Variants in NIN observed in about 807,000 individuals in gnomAD.
The protein encoded by NIN is glycogen synthase kinase 3 beta-interacting protein.
A neutral mutation model predicts 257.6 loss-of-function variants in NIN; 137 were observed. The observed-to-expected ratio is 0.53, with a 90% CI of 0.46 to 0.61. The LOEUF (loss-of-function observed/expected upper bound fraction) is 0.61. Among genes scored for constraint, NIN ranks in the 20% least tolerant of loss-of-function variants. The pLI is 0.00. For synonymous variants in NIN, 918 were observed against 919.8 expected (o/e 1.00, Z 0.04); for missense variants, 2,439 against 2,501.2 (o/e 0.98, Z 0.53).
intron 3 of NIN, among the ~76,000 whole-genome samples, chr14:50,810,791 G>A (rs188117613): frequency 3.9e-5 from 6 of 152,024 alleles, no homozygotes; most frequent in African/African-American, 7.2e-5. Flanking sequence ...CTCCCGAGTA[G>A]CTGGGACTAC....
chr14:50,786,342 T>C (rs2043346486), intron 5 of NIN, among the ~76,000 whole-genome samples: 1 of 152,116 alleles, frequency 6.6e-6, no homozygotes, highest in Admixed American at 6.5e-5. Flanking sequence ...TCTTGTCTGT[T>C]TTAGTTTCTA....
chr14:50,776,868 C>A, intron 7 of NIN, 81 bp downstream of exon 7: 1 of 1,242,108 alleles, frequency 8.1e-7, no homozygotes, highest in Non-Finnish European at 1.1e-6. Context: ...CTGCAGAGAG[C>A]CACACTACAG....
intron 3 of NIN, among the ~76,000 whole-genome samples, chr14:50,817,818 C>T (rs1257334122): frequency 2.0e-5 from 3 of 152,088 alleles, no homozygotes; most frequent in African/African-American, 7.2e-5. Flanking sequence ...CGAGTTCAAG[C>T]AATTCTCCTG....
At chr14:50,752,780 G>C in intron 20 of NIN, 47 bp from the exon 21 acceptor site, 1 of 896,384 alleles carries the variant, frequency 1.1e-6, no homozygotes, top group Non-Finnish European at 1.6e-6. Flanking sequence ...CCCTACTTGT[G>C]CTAAAAAAAA....
chr14:50,754,841 T>G lies in NIN; in HGVS notation c.4565A>C (p.Glu1522Ala), dbSNP rs1314718511. Residue 1522 changes from glutamate (E) to alanine (A), a missense_variant, in exon 19 of 31, where the codon GAA becomes GCA. By Grantham distance (107) the Glu-to-Ala change is moderately radical. Around this residue, in one of 3 missense-constraint regions of NIN, gnomAD observed 2,043 missense variants for 2,050.2 expected, o/e 1.00. Coordinates refer to ENST00000530997, the MANE Select transcript of NIN (RefSeq NM_020921.4). ...LRYESEKLQQENSILRNEITT... is the reference protein window; with the variant it reads ...LRYESEKLQQANSILRNEITT... Reference sequence around the variant, plus strand: ...AATTTCATTTCTCAAAATAGAATTTTCCTGTTGAAGCTTTTCAGATTCATA... The same window carrying G: ...AATTTCATTTCTCAAAATAGAATTTGCCTGTTGAAGCTTTTCAGATTCATA... The G allele has an allele frequency of 6.3e-7, 1 of 1,579,140 alleles. No individual in the cohort carries two copies. Among genetic ancestry groups the G allele is most frequent in the Non-Finnish European group, 8.6e-7 (1 of 1,165,964 alleles).
Position 50,729,531 on chromosome 14 carries a change from T to A in NIN, c.6070A>T (p.Thr2024Ser), listed in dbSNP as rs896290713. The change falls in exon 29 of 31, where the codon ACA becomes TCA. Residue 2024 changes from threonine (T) to serine (S), a missense_variant. Physicochemically the swap from Thr to Ser is moderately conservative, Grantham distance 58. This residue lies in a region of NIN where 2,043 missense variants were observed against 2,050.2 expected (regional missense o/e 1.00). Coordinates refer to ENST00000530997, the MANE Select transcript of NIN (RefSeq NM_020921.4). ...ELENRTSETNTPQGNQEQLVT... is the reference protein window; with the variant it reads ...ELENRTSETNSPQGNQEQLVT... ...TAGAGAGAGCTTCATACCTGTGGTGTGTTGGTTTCGGAGGTCCTGTTTTCA... is the reference window on the plus strand; with the variant it reads ...TAGAGAGAGCTTCATACCTGTGGTGAGTTGGTTTCGGAGGTCCTGTTTTCA... 3 of 1,613,458 alleles carry A rather than the reference T, an allele frequency of 1.9e-6. No homozygotes were observed. The African/African-American group carries it at 4.0e-5, about 22-fold the overall frequency.
intron 29 of NIN, chr14:50,727,291 A>G (rs1215251196): frequency 1.8e-5 from 18 of 975,778 alleles, no homozygotes; most frequent in Non-Finnish European, 2.0e-5. Context: ...AGATTTGTAC[A>G]TCTTATACAA....
intron 29 of NIN, chr14:50,727,881 A>T: frequency 1.7e-6 from 1 of 595,786 alleles, no homozygotes; most frequent in Non-Finnish European, 2.8e-6. Context: ...ATAGGCAAGC[A>T]AAGCAACACA....
chr14:50,764,556 A>G lies in NIN; in HGVS notation c.1636-592T>C, dbSNP rs549807625. Among the ~76,000 whole-genome samples, 5 of 152,348 alleles carry G rather than the reference A, an allele frequency of 3.3e-5. No individual in the cohort carries two copies. The South Asian group carries it at 1.0e-3, about 32-fold the overall frequency. On this transcript the variant is annotated intron_variant, in intron 14 of 30. Transcript: ENST00000530997. ...AATTTTCATAGCTGCGTTACTCATA[A>G]TAGCCAAAATCCCCCAAATGTCCCT...
chr14:50,777,385 G>A (rs1160984504), intron 6 of NIN, among the ~76,000 whole-genome samples: 2 of 152,120 alleles, frequency 1.3e-5, no homozygotes, highest in Admixed American at 1.3e-4. Flanking sequence ...ATAATCTCCT[G>A]TGCAATACTG....
chr14:50,765,553 T>C (rs904472879), intron 14 of NIN, among the ~76,000 whole-genome samples: 1 of 152,136 alleles, frequency 6.6e-6, no homozygotes, highest in Admixed American at 6.5e-5. Flanking sequence ...GTGTTTCTGG[T>C]TTAAGAAAAA....
At chr14:50,775,527 G>A (rs1438090646) in intron 7 of NIN, among the ~76,000 whole-genome samples, 1 of 152,162 alleles carries the variant, frequency 6.6e-6, no homozygotes, top group Non-Finnish European at 1.5e-5. Context: ...CTGTGGTTTA[G>A]AGCTAGTAAT....
intron 5 of NIN, chr14:50,792,453 G>T: frequency 2.2e-6 from 1 of 444,546 alleles, no homozygotes; most frequent in East Asian, 3.7e-5. Flanking sequence ...AGATGATGTG[G>T]AAATACCTGA....
intron 3 of NIN, among the ~76,000 whole-genome samples, chr14:50,817,390 T>C (rs2044955466): frequency 6.6e-6 from 1 of 152,026 alleles, no homozygotes; most frequent in African/African-American, 2.4e-5. Flanking sequence ...AGCTTTTGAG[T>C]TGGAAACAAA....
In NIN at chr14:50,760,367, C is replaced by A. The variant is rs1442232995; in HGVS notation, c.1897-8G>T. ...CTTTTCATAATGGCGCACCTGAAGG[C>A]ACAGAGTGACACCACCACAAGATTA... On this transcript the variant is annotated splice_region_variant and splice_polypyrimidine_tract_variant and intron_variant, in intron 16 of 30. Coordinates refer to ENST00000530997, the MANE Select transcript of NIN (RefSeq NM_020921.4). The A allele has an allele frequency of 1.3e-6, 2 of 1,592,182 alleles. No individual in the cohort carries two copies. The highest frequency in any genetic ancestry group is 1.1e-5 in the South Asian group (1 of 90,480).
At position 50,772,940 on chromosome 14, in the gene NIN, AT is replaced by A; in HGVS notation, c.813+8del. On this transcript the variant is annotated splice_region_variant and intron_variant, in intron 8 of 30. Transcript: ENST00000530997. Reference sequence around the variant, plus strand: ...ATTCACAAAGAAAGCACTTCTGCTTATTTTTTACCTGCATGGAAAGGTGCCT... The same window carrying A: ...ATTCACAAAGAAAGCACTTCTGCTTATTTTTACCTGCATGGAAAGGTGCCT... The A allele has an allele frequency of 1.9e-6, 3 of 1,603,640 alleles. No individual in the cohort carries two copies. Among genetic ancestry groups the A allele is most frequent in the South Asian group, 2.3e-5 (2 of 88,450 alleles).
Position 50,756,769 on chromosome 14 carries a change from C to T in NIN, c.4261G>A (p.Glu1421Lys), listed in dbSNP as rs918682184. 22 of 1,551,334 alleles carry T rather than the reference C, an allele frequency of 1.4e-5. No homozygotes were observed. Among genetic ancestry groups the T allele is most frequent in the Non-Finnish European group, 1.7e-5 (19 of 1,146,838 alleles). The change falls in exon 18 of 31, where the codon GAA (glutamate) becomes AAA (lysine). Residue 1421 changes from glutamate to lysine, a missense_variant. This residue lies in a region of NIN where 2,043 missense variants were observed against 2,050.2 expected (regional missense o/e 1.00). Coordinates refer to ENST00000530997, the MANE Select transcript of NIN (RefSeq NM_020921.4). ...ACTTGATTCTGTACTCTTGGCCTTTCTTGATGTGTCTGAATTGTTCCATGT... is the reference window on the plus strand; with the variant it reads ...ACTTGATTCTGTACTCTTGGCCTTTTTTGATGTGTCTGAATTGTTCCATGT... ...WLHGTIQTHQERPRVQNQVIL... is the reference protein window; with the variant it reads ...WLHGTIQTHQKRPRVQNQVIL...
intron 10 of NIN, among the ~76,000 whole-genome samples, 163 bp from the exon 11 acceptor site, chr14:50,771,155 T>C (rs576670028): frequency 5.9e-5 from 9 of 152,306 alleles, no homozygotes; most frequent in African/African-American, 2.2e-4. Flanking sequence ...AAAGCCTACA[T>C]GTCAATCTAA....
chr14:50,743,382 A>C, intron 24 of NIN, 34 bp downstream of exon 24: 92 of 1,302,902 alleles, frequency 7.1e-5, no homozygotes, highest in Non-Finnish European at 9.4e-5. Context: ...GGAGAATACT[A>C]ACCGTGAAGA....
Sources: allele counts gnomAD v4.1 joint callset (sites outside exome capture counted in the v4.1 genomes callset), GRCh38; gene constraint gnomAD v4.1.1; regional missense constraint gnomAD v4.1.1; transcripts MANE v1.5; gene names NCBI Gene and HGNC (gene_info 2026-07-23, HGNC 2026-07-21).